Variants in RAP1GDS1 observed in about 807,000 individuals in gnomAD.
RAP1GDS1 encodes the protein RAP1, GTP-GDP dissociation stimulator 1.
A neutral mutation model predicts 71.1 loss-of-function variants in RAP1GDS1; 35 were observed. The ratio of observed to expected loss-of-function variants is 0.49; its 90% confidence interval spans 0.38 to 0.65. RAP1GDS1 has a LOEUF of 0.65. RAP1GDS1 is among the 30% of genes least tolerant of loss of function. RAP1GDS1 has a pLI of 0.00. For missense variants in RAP1GDS1, 663 were observed against 706.1 expected (o/e 0.94, Z 0.69); for synonymous variants, 229 against 243.1 (o/e 0.94, Z 0.54).
chr4:98,443,015 A>ATTTTTTTTTTTTTTTTTTTTTT lies in RAP1GDS1; in HGVS notation c.*900_*921dup, dbSNP rs397994660. 161 of 138,130 alleles carry ATTTTTTTTTTTTTTTTTTTTTT rather than the reference A, an allele frequency of 1.2e-3. No individual in the cohort carries two copies. Among genetic ancestry groups the ATTTTTTTTTTTTTTTTTTTTTT allele is most frequent in the Admixed American group, 2.8e-3 (29 of 10,370 alleles). 8.6% of individuals were successfully genotyped at this position (138,130 alleles called of 1,614,324 possible). A position where few individuals can be genotyped will look rare whatever the true frequency, so the allele number is the denominator to read the frequency against. ...TGAGTATAGTTCATTGAAGAATGGAATTTTTTTTTTTTTTTTTTTTTTTGC... is the reference window on the plus strand; with the variant it reads ...TGAGTATAGTTCATTGAAGAATGGAATTTTTTTTTTTTTTTTTTTTTTTTTTTTTTTTTTTTTTTTTTTTTGC... On this transcript the variant is annotated 3_prime_UTR_variant, in exon 15 of 15. Coordinates refer to ENST00000408927, the MANE Select transcript of RAP1GDS1 (RefSeq NM_001100427.2).
intron 14 of RAP1GDS1, among the ~76,000 whole-genome samples, chr4:98,438,317 C>T (rs1184694763): frequency 1.3e-5 from 2 of 151,680 alleles, no homozygotes; most frequent in African/African-American, 4.8e-5. Context: ...ATAACATTCA[C>T]ATGATCTTTT....
chr4:98,319,379 T>C (rs952911385), intron 2 of RAP1GDS1, among the ~76,000 whole-genome samples: 3 of 152,208 alleles, frequency 2.0e-5, no homozygotes, highest in South Asian at 2.1e-4. Context: ...TCTCAAGATA[T>C]ATGGTATAGG....
chr4:98,438,751 C>T (rs1158098572), intron 14 of RAP1GDS1, among the ~76,000 whole-genome samples: 2 of 151,652 alleles, frequency 1.3e-5, no homozygotes, highest in Admixed American at 1.3e-4. Context: ...TGCCACATCA[C>T]ACCTGGCTAA....
At chr4:98,313,894 G>A (rs1343699670) in intron 2 of RAP1GDS1, among the ~76,000 whole-genome samples, 1 of 152,072 alleles carries the variant, frequency 6.6e-6, no homozygotes, top group African/African-American at 2.4e-5. Flanking sequence ...AATATTCATT[G>A]AAATAAACCT....
intron 1 of RAP1GDS1, among the ~76,000 whole-genome samples, chr4:98,264,360 C>T (rs1217766887): frequency 1.3e-5 from 2 of 152,072 alleles, no homozygotes; most frequent in African/African-American, 4.8e-5. Flanking sequence ...CATGCCATTG[C>T]ACTCCAGCCT....
At chr4:98,400,864 G>A (rs1315668449) in intron 6 of RAP1GDS1, among the ~76,000 whole-genome samples, 7 of 151,750 alleles carry the variant, frequency 4.6e-5, no homozygotes, top group Non-Finnish European at 7.4e-5. Context: ...TTTATTTTTT[G>A]AGGGAAAATG....
chr4:98,324,859 G>A (rs1378804571), intron 2 of RAP1GDS1, among the ~76,000 whole-genome samples: 1 of 152,028 alleles, frequency 6.6e-6, no homozygotes, highest in Non-Finnish European at 1.5e-5. Context: ...ACATAAGCGT[G>A]GGCAAGGACT....
chr4:98,442,907 A>T lies in RAP1GDS1; in HGVS notation c.*790A>T, dbSNP rs1262882354. The stretch of plus-strand genomic sequence containing the variant: ...GATACATACGCTGTTTCACTCAGGA[A>T]CTACTTCTACCAGTTAATCAGCATT... On this transcript the variant is annotated 3_prime_UTR_variant, in exon 15 of 15. Coordinates refer to ENST00000408927, the MANE Select transcript of RAP1GDS1 (RefSeq NM_001100427.2). 4.3e-6 allele frequency: 1 copy of T among 231,856 alleles called. No homozygotes were observed. Among genetic ancestry groups the T allele is most frequent in the Non-Finnish European group, 8.5e-6 (1 of 117,328 alleles). 14.4% of individuals were successfully genotyped at this position (231,856 alleles called of 1,614,324 possible).
intron 4 of RAP1GDS1, among the ~76,000 whole-genome samples, chr4:98,357,380 A>G (rs908043303): frequency 6.6e-6 from 1 of 151,944 alleles, no homozygotes; most frequent in African/African-American, 2.4e-5. Context: ...TGAGTTTATT[A>G]TTAAAGTACA....
At chr4:98,312,563 G>A (rs1730382579) in intron 2 of RAP1GDS1, among the ~76,000 whole-genome samples, 1 of 152,088 alleles carries the variant, frequency 6.6e-6, no homozygotes, top group South Asian at 2.1e-4. Context: ...TCTAATATTT[G>A]TGTGGTACGT....
intron 2 of RAP1GDS1, among the ~76,000 whole-genome samples, chr4:98,307,056 A>C (rs1729426577): frequency 6.6e-6 from 1 of 151,978 alleles, no homozygotes; most frequent in South Asian, 2.1e-4. Flanking sequence ...ATGTCTTCTT[A>C]TTATAATTAA....
chr4:98,302,710 A>C (rs1232306479), intron 2 of RAP1GDS1, among the ~76,000 whole-genome samples: 3 of 152,164 alleles, frequency 2.0e-5, no homozygotes, highest in Admixed American at 1.3e-4. Flanking sequence ...ACAAATACAG[A>C]GGAAAAAATC....
chr4:98,387,398 G>T (rs1012141403), intron 5 of RAP1GDS1: 4 of 455,092 alleles, frequency 8.8e-6, no homozygotes, highest in African/African-American at 2.0e-5. Context: ...TAAAACTCAG[G>T]GGGGAAAAGG....
At chr4:98,306,897 C>A (rs549874197) in intron 2 of RAP1GDS1, among the ~76,000 whole-genome samples, 1 of 151,952 alleles carries the variant, frequency 6.6e-6, no homozygotes, top group Non-Finnish European at 1.5e-5. Context: ...TTCTGAATAC[C>A]CACTTGGCAT....
intron 12 of RAP1GDS1, among the ~76,000 whole-genome samples, chr4:98,430,012 C>T (rs977574484): frequency 1.3e-5 from 2 of 152,058 alleles, no homozygotes; most frequent in Non-Finnish European, 2.9e-5. Flanking sequence ...TACTTAAATG[C>T]TATAATATTT....
At chr4:98,385,173 AATAAT>A (rs1474260830) in intron 5 of RAP1GDS1, among the ~76,000 whole-genome samples, 2 of 151,796 alleles carry the variant, frequency 1.3e-5, no homozygotes, top group Admixed American at 6.6e-5. Context: ...ATTTTAATAT[AATAAT>A]ATGCATTTAC....
chr4:98,436,999 G>A lies in RAP1GDS1; in HGVS notation c.1627G>A (p.Ala543Thr). The change falls in exon 14 of 15, where the codon GCA becomes ACA. Residue 543 changes from alanine to threonine, a missense_variant. Transcript: ENST00000408927. ...KLVQILHRLL[A>T]DERSAPEIKY... The stretch of plus-strand genomic sequence containing the variant: ...TGTACAGATTTTACATAGACTGCTA[G>A]CAGATGAGAGAAGTGCTCCTGAAAT... 2 of 1,612,794 alleles carry A rather than the reference G, an allele frequency of 1.2e-6. No individual in the cohort carries two copies. The highest frequency in any genetic ancestry group is 1.7e-6 in the Non-Finnish European group (2 of 1,179,610).
chr4:98,425,307 C>T (rs982110995), intron 12 of RAP1GDS1, among the ~76,000 whole-genome samples: 1 of 151,548 alleles, frequency 6.6e-6, no homozygotes, highest in African/African-American at 2.4e-5. Flanking sequence ...ACAGGACCTA[C>T]AAAACAAAAA....
intron 14 of RAP1GDS1, among the ~76,000 whole-genome samples, chr4:98,438,588 A>ATATATATTTTT (rs1214035409): frequency 1.2e-5 from 1 of 86,912 alleles, no homozygotes; most frequent in African/African-American, 7.6e-5. Context: ...ATATATATAT[A>ATATATATTTTT]TCTTTTTTTT....
Sources: allele counts gnomAD v4.1 joint callset (sites outside exome capture counted in the v4.1 genomes callset), GRCh38; gene constraint gnomAD v4.1.1; transcripts MANE v1.5; gene names NCBI Gene and HGNC (gene_info 2026-07-23, HGNC 2026-07-21).